The following GUCY1A2 variants were observed in gnomAD, a reference collection of about 807,000 sequenced individuals.
GUCY1A2 encodes the protein guanylate cyclase soluble subunit alpha-2.
In GUCY1A2, 27 loss-of-function variants were observed where a neutral mutation model predicts 63.5. The observed-to-expected ratio is 0.43, with a 90% CI of 0.31 to 0.59. The LOEUF (loss-of-function observed/expected upper bound fraction) is 0.59, where lower values mean the gene tolerates loss of function less well. GUCY1A2 is among the 20% of genes least tolerant of loss of function. GUCY1A2 has a pLI of 0.11. For synonymous variants in GUCY1A2, 364 were observed against 343.5 expected, an observed-to-expected ratio of 1.06 and a Z score of -0.66; for missense variants, 768 against 913.3, an observed-to-expected ratio of 0.84 and a Z score of 2.05.
intron 2 of GUCY1A2, among the ~76,000 whole-genome samples, chr11:106,985,600 T>A (rs1033237314): frequency 6.6e-6 from 1 of 152,196 alleles, no homozygotes; most frequent in African/African-American, 2.4e-5. Context: ...TCACAACCAC[T>A]TCAAGAAATA....
At chr11:106,720,829 TAAG>T (rs1863303273) in intron 6 of GUCY1A2, among the ~76,000 whole-genome samples, 3 of 152,046 alleles carry the variant, frequency 2.0e-5, no homozygotes, top group African/African-American at 7.2e-5. Context: ...AGGGGAAAAT[TAAG>T]AAAATATGAA....
At chr11:106,714,906 G>A (rs529019642) in intron 6 of GUCY1A2, among the ~76,000 whole-genome samples, 18 of 152,178 alleles carry the variant, frequency 1.2e-4, no homozygotes, top group African/African-American at 3.4e-4. Context: ...CTTGGTAAAC[G>A]AGGATAAACA....
At chr11:106,843,567 T>C (rs1469446313) in intron 4 of GUCY1A2, among the ~76,000 whole-genome samples, 1 of 151,898 alleles carries the variant, frequency 6.6e-6, no homozygotes, top group Non-Finnish European at 1.5e-5. Context: ...GGGTCAGAAC[T>C]TCAGGAATAA....
At chr11:106,832,304 C>T (rs1380079742) in intron 4 of GUCY1A2, among the ~76,000 whole-genome samples, 1 of 152,102 alleles carries the variant, frequency 6.6e-6, no homozygotes, top group Non-Finnish European at 1.5e-5. Context: ...TAAATTAATA[C>T]ATTATTTGAG....
intron 5 of GUCY1A2, among the ~76,000 whole-genome samples, chr11:106,808,541 AT>A (rs1858722358): frequency 6.6e-6 from 1 of 152,134 alleles, no homozygotes; most frequent in African/African-American, 2.4e-5. Context: ...ACTGATACTT[AT>A]GTTTGTCAGG....
At chr11:106,779,139 T>C (rs2135404399) in intron 5 of GUCY1A2, among the ~76,000 whole-genome samples, 1 of 152,236 alleles carries the variant, frequency 6.6e-6, no homozygotes, top group African/African-American at 2.4e-5. Context: ...CATCAGGAAA[T>C]ATGCATTAAA....
intron 5 of GUCY1A2, among the ~76,000 whole-genome samples, chr11:106,777,917 G>T (rs1864387875): frequency 6.6e-6 from 1 of 152,090 alleles, no homozygotes; most frequent in Admixed American, 6.5e-5. Flanking sequence ...ATATAATTGA[G>T]AGTTAACAGC....
intron 5 of GUCY1A2, among the ~76,000 whole-genome samples, chr11:106,790,176 T>C (rs766876748): frequency 6.6e-5 from 10 of 152,188 alleles, no homozygotes; most frequent in Admixed American, 2.6e-4. Flanking sequence ...TGGTTTTCTA[T>C]TCTAGTGTGG....
intron 6 of GUCY1A2, among the ~76,000 whole-genome samples, chr11:106,730,925 GTGTC>G (rs1287974758): frequency 1.3e-5 from 2 of 152,082 alleles, no homozygotes; most frequent in African/African-American, 4.8e-5. Flanking sequence ...CTTTTGAAAA[GTGTC>G]TGTTTGTGTC....
intron 4 of GUCY1A2, among the ~76,000 whole-genome samples, chr11:106,865,084 G>C (rs965138315): frequency 8.6e-5 from 13 of 152,028 alleles, no homozygotes; most frequent in African/African-American, 3.1e-4. Context: ...ACTTGTTATT[G>C]GTCTATTTAG....
chr11:106,715,352 TAGAC>T lies in GUCY1A2; in HGVS notation c.1837-6690_1837-6687del, dbSNP rs1445782282. Among the ~76,000 whole-genome samples, 4 of 152,160 alleles carry T rather than the reference TAGAC, an allele frequency of 2.6e-5. No homozygotes were observed. The East Asian group carries it at 7.7e-4, about 29-fold the overall frequency. On this transcript the variant is annotated intron_variant, in intron 6 of 7. Coordinates refer to ENST00000526355, the MANE Select transcript of GUCY1A2 (RefSeq NM_000855.3). The stretch of plus-strand genomic sequence containing the variant: ...TAGTCCAGCTCCCTCATTTTACAAA[TAGAC>T]TGAAGCTCAAAAGAGCACAATGAAA...
intron 6 of GUCY1A2, among the ~76,000 whole-genome samples, chr11:106,747,941 C>G (rs1326859099): frequency 6.6e-6 from 1 of 152,206 alleles, no homozygotes; most frequent in Non-Finnish European, 1.5e-5. Flanking sequence ...CTTACAACAG[C>G]AGTGCTTGCA....
At chr11:106,696,186 A>G (rs1862715939) in intron 7 of GUCY1A2, among the ~76,000 whole-genome samples, 1 of 152,136 alleles carries the variant, frequency 6.6e-6, no homozygotes, top group African/African-American at 2.4e-5. Context: ...ATTCTACCCC[A>G]TTGACTTCTC....
rs191213381 is a variant in GUCY1A2 at position 106,753,557 on chromosome 11, G to C, written c.1836+22882C>G. Among the ~76,000 whole-genome samples, 958 of 152,266 alleles carry C rather than the reference G, an allele frequency of 6.3e-3. 15 individuals are homozygous for C. The highest frequency in any genetic ancestry group is 0.021 in the African/African-American group (882 of 41,552). ...AATTTTTGTATAAGGTGTAAGGAAGGGATCCAGTTTCAGCTTTCTACACAT... is the reference window on the plus strand; with the variant it reads ...AATTTTTGTATAAGGTGTAAGGAAGCGATCCAGTTTCAGCTTTCTACACAT... On this transcript the variant is annotated intron_variant, in intron 6 of 7. Transcript: ENST00000526355.
intron 6 of GUCY1A2, among the ~76,000 whole-genome samples, chr11:106,759,936 A>C (rs1374396374): frequency 6.6e-6 from 1 of 152,166 alleles, no homozygotes; most frequent in Admixed American, 6.5e-5. Context: ...ACTCTGTCTC[A>C]AAAAAACGAA....
intron 6 of GUCY1A2, among the ~76,000 whole-genome samples, chr11:106,743,283 C>T (rs1863729916): frequency 6.6e-6 from 1 of 152,108 alleles, no homozygotes; most frequent in Non-Finnish European, 1.5e-5. Flanking sequence ...TACCTTCCCG[C>T]TTGAAAAAGG....
intron 6 of GUCY1A2, among the ~76,000 whole-genome samples, chr11:106,720,159 G>A (rs1419754766): frequency 1.3e-5 from 2 of 152,250 alleles, no homozygotes; most frequent in Admixed American, 1.3e-4. Flanking sequence ...TCCAGTTAGT[G>A]TAAGACAGAA....
At chr11:106,842,703 T>C (rs1290341660) in intron 4 of GUCY1A2, among the ~76,000 whole-genome samples, 1 of 151,886 alleles carries the variant, frequency 6.6e-6, no homozygotes, top group African/African-American at 2.4e-5. Context: ...AACCAGATCA[T>C]AGTGGTGAGG....
At chr11:106,943,403 CTTA>C (rs1187053751) in intron 3 of GUCY1A2, among the ~76,000 whole-genome samples, 59 of 152,192 alleles carry the variant, frequency 3.9e-4, no homozygotes, top group African/African-American at 1.4e-3. Context: ...CAAAGCTGCT[CTTA>C]TTAATGGGTA....
Sources: allele counts gnomAD v4.1 joint callset (sites outside exome capture counted in the v4.1 genomes callset), GRCh38; gene constraint gnomAD v4.1.1; transcripts MANE v1.5; gene names NCBI Gene and HGNC (gene_info 2026-07-23, HGNC 2026-07-21).